The following LOC400499 variants were observed in gnomAD, a reference collection of about 807,000 sequenced individuals.
At chr16:11,387,312 G>A in the LOC400499 span, 1 of 1,232,202 alleles carries the variant, frequency 8.1e-7, no homozygotes, top group Non-Finnish European at 1.0e-6. Context: ...GGAATGCAGA[G>A]GACAAGTCAC....
the LOC400499 span, chr16:11,414,242 T>A: frequency 4.6e-4 from 185 of 398,772 alleles, no homozygotes; most frequent in African/African-American, 3.5e-3. Flanking sequence ...CAAGGCCTGG[T>A]CCTCCCCACC....
the LOC400499 span, chr16:11,488,959 C>T: frequency 5.0e-6 from 2 of 397,260 alleles, no homozygotes; most frequent in Non-Finnish European, 8.9e-6. Flanking sequence ...GACCCCCATC[C>T]CAGTCCTGCA....
chr16:11,444,356 C>T, the LOC400499 span, among the ~76,000 whole-genome samples: 1 of 152,088 alleles, frequency 6.6e-6, no homozygotes, highest in Non-Finnish European at 1.5e-5. Context: ...GAGCCATGAT[C>T]GCACCCCTGC....
At chr16:11,383,916 G>A in the LOC400499 span, 12 of 1,231,848 alleles carry the variant, frequency 9.7e-6, no homozygotes, top group Middle Eastern at 3.1e-4. Flanking sequence ...AGCTGGAGTG[G>A]GGGCCCTCGA....
the LOC400499 span, chr16:11,414,349 G>A: frequency 3.3e-5 from 13 of 399,248 alleles, no homozygotes; most frequent in African/African-American, 1.2e-4. Flanking sequence ...TACCTGGTTG[G>A]TGAAGGGCAG....
At chr16:11,382,459 G>C in the LOC400499 span, among the ~76,000 whole-genome samples, 1 of 152,164 alleles carries the variant, frequency 6.6e-6, no homozygotes, top group Admixed American at 6.5e-5. Flanking sequence ...CTGGATGACG[G>C]AGCTCTCACC....
At chr16:11,407,798 T>TAAGGAC in the LOC400499 span, among the ~76,000 whole-genome samples, 1 of 152,084 alleles carries the variant, frequency 6.6e-6, no homozygotes. Context: ...AAAACAGGGA[T>TAAGGAC]AAGGACACCT....
the LOC400499 span, among the ~76,000 whole-genome samples, chr16:11,428,270 C>A: frequency 6.6e-6 from 1 of 152,096 alleles, no homozygotes; most frequent in African/African-American, 2.4e-5. Flanking sequence ...CTTCCAGGTT[C>A]AAGCGACTCT....
At chr16:11,525,393 T>C in the LOC400499 span, among the ~76,000 whole-genome samples, 1 of 152,040 alleles carries the variant, frequency 6.6e-6, no homozygotes, top group African/African-American at 2.4e-5. Context: ...TTTAAAACAT[T>C]GGACATGGTA....
the LOC400499 span, among the ~76,000 whole-genome samples, chr16:11,446,167 G>A: frequency 0.019 from 2,824 of 151,556 alleles, 41 homozygotes; most frequent in Non-Finnish European, 0.03. Flanking sequence ...CGGGGGAGTG[G>A]TGTCTGAGTC....
the LOC400499 span, among the ~76,000 whole-genome samples, chr16:11,406,600 T>G: frequency 6.6e-6 from 1 of 152,202 alleles, no homozygotes; most frequent in Non-Finnish European, 1.5e-5. Flanking sequence ...GCCTGGCTAA[T>G]TCCATATTTT....
the LOC400499 span, among the ~76,000 whole-genome samples, chr16:11,501,246 C>T: frequency 6.6e-6 from 1 of 152,084 alleles, no homozygotes; most frequent in Non-Finnish European, 1.5e-5. Flanking sequence ...CTGAAACCCA[C>T]CCAAGCAAAT....
At chr16:11,501,203 G>T in the LOC400499 span, among the ~76,000 whole-genome samples, 1 of 152,072 alleles carries the variant, frequency 6.6e-6, no homozygotes, top group Non-Finnish European at 1.5e-5. Flanking sequence ...AAACACTGGT[G>T]TGGGAAAACA....
At chr16:11,488,274 A>C in the LOC400499 span, among the ~76,000 whole-genome samples, 1 of 152,214 alleles carries the variant, frequency 6.6e-6, no homozygotes, top group African/African-American at 2.4e-5. Context: ...CAAACAGCCA[A>C]TTTAGAGAAA....
At chr16:11,483,686 T>A in the LOC400499 span, among the ~76,000 whole-genome samples, 2 of 148,014 alleles carry the variant, frequency 1.4e-5, no homozygotes, top group African/African-American at 2.5e-5. Context: ...GGCAACATAA[T>A]GAGACCCTGT....
the LOC400499 span, among the ~76,000 whole-genome samples, chr16:11,470,357 T>A: frequency 6.6e-6 from 1 of 152,156 alleles, no homozygotes; most frequent in East Asian, 1.9e-4. Context: ...GGGAACACAC[T>A]CTGCGAGTAC....
At chr16:11,383,481 G>A in the LOC400499 span, among the ~76,000 whole-genome samples, 4 of 152,220 alleles carry the variant, frequency 2.6e-5, no homozygotes, top group African/African-American at 9.6e-5. Context: ...GCCTCGAGGG[G>A]ACACACATCC....
chr16:11,397,569 G>A, the LOC400499 span, among the ~76,000 whole-genome samples: 4 of 152,160 alleles, frequency 2.6e-5, no homozygotes, highest in East Asian at 1.9e-4. Context: ...CACCGCACCC[G>A]GCTTGTAAAT....
the LOC400499 span, chr16:11,414,353 A>G: frequency 2.5e-6 from 1 of 399,382 alleles, no homozygotes; most frequent in South Asian, 1.3e-4. Context: ...TGGTTGGTGA[A>G]GGGCAGGCCC....
Sources: allele counts gnomAD v4.1 joint callset (sites outside exome capture counted in the v4.1 genomes callset), GRCh38; gene constraint gnomAD v4.1.1; transcripts MANE v1.5.